Variants in MME observed in about 807,000 individuals in gnomAD.
MME encodes neprilysin.
A neutral mutation model predicts 113.2 loss-of-function variants in MME; 98 were observed. That is an observed-to-expected ratio of 0.87 (90% CI 0.74 to 1.02). The LOEUF (loss-of-function observed/expected upper bound fraction) is 1.02. MME is among the 50% of genes least tolerant of loss of function. The pLI is 0.00. For missense variants in MME, 836 were observed against 896.0 expected (o/e 0.93, Z 0.86); for synonymous variants, 292 against 300.6 (o/e 0.97, Z 0.30).
rs1327722411 is a variant in MME at position 155,084,188 on chromosome 3, G to A, written c.21G>A (p.Gln7=). ...AGGTGATGGGCAAGTCAGAAAGTCAGATGGATATAACTGATATCAACACTC... is the reference window on the plus strand; with the variant it reads ...AGGTGATGGGCAAGTCAGAAAGTCAAATGGATATAACTGATATCAACACTC... The part of the protein sequence containing the change: MGKSES[Q]MDITDINTPK... Residue 7 remains glutamine, a synonymous_variant, in exon 2 of 23, where the codon CAG becomes CAA. Coordinates refer to ENST00000360490, the MANE Select transcript of MME (RefSeq NM_007289.4). 2 of 1,614,086 alleles carry A rather than the reference G, an allele frequency of 1.2e-6. No homozygotes were observed. The highest frequency in any genetic ancestry group is 2.7e-5 in the African/African-American group (2 of 75,030).
chr3:155,130,667 C>T (rs1004702099), intron 8 of MME, among the ~76,000 whole-genome samples: 5 of 152,078 alleles, frequency 3.3e-5, no homozygotes, highest in Admixed American at 3.3e-4. Context: ...GGAAAGAACA[C>T]AAGCTGAGAT....
At position 155,116,700 on chromosome 3, in the gene MME, A is replaced by G. The variant is rs144486590; in HGVS notation, c.476A>G (p.Lys159Arg). 21 of 1,613,456 alleles carry G rather than the reference A, an allele frequency of 1.3e-5. No individual in the cohort carries two copies. The African/African-American group carries it at 2.3e-4, about 17-fold the overall frequency. ...IDSRGGEPLL[K>R]LLPDIYGWPV... ...AGCAGAGGTGGAGAACCTCTACTCAAACTGTTACCAGACATATATGGGTGG... is the reference window on the plus strand; with the variant it reads ...AGCAGAGGTGGAGAACCTCTACTCAGACTGTTACCAGACATATATGGGTGG... Residue 159 changes from lysine to arginine, a missense_variant, in exon 6 of 23, where the codon AAA becomes AGA. Coordinates refer to ENST00000360490, the MANE Select transcript of MME (RefSeq NM_007289.4).
At chr3:155,029,359 T>C (rs1263308750) in intron 1 of MME, among the ~76,000 whole-genome samples, 1 of 152,104 alleles carries the variant, frequency 6.6e-6, no homozygotes. Flanking sequence ...CTTTCTCCAA[T>C]ATTTTAGGTC....
chr3:155,070,015 C>T (rs927441005), intron 1 of MME, among the ~76,000 whole-genome samples: 1 of 152,100 alleles, frequency 6.6e-6, no homozygotes, highest in Admixed American at 6.6e-5. Context: ...TACCAATAAC[C>T]ACTAGATAAG....
rs538680208 is a variant in MME at position 155,045,253 on chromosome 3, C to T, written c.-11+20929C>T. The stretch of plus-strand genomic sequence containing the variant: ...GCAATCTCTGTCTCCTGGGTTCAGA[C>T]GATTCCCCTGCCTCAGCCTCCTGAG... On this transcript the variant is annotated intron_variant, in intron 1 of 22. Coordinates refer to the MME transcript ENST00000492661. Among the ~76,000 whole-genome samples, 23 of 151,698 alleles carry T rather than the reference C, an allele frequency of 1.5e-4. No homozygotes were observed. In the South Asian group the frequency reaches 2.9e-3, roughly 19 times the overall value.
At chr3:155,170,114 C>T (rs570956437) in intron 20 of MME, among the ~76,000 whole-genome samples, 5 of 152,212 alleles carry the variant, frequency 3.3e-5, no homozygotes, top group South Asian at 4.2e-4. Context: ...GGCACGAACT[C>T]GGCTCACTGC....
At chr3:155,127,275 T>C (rs1243709517) in intron 8 of MME, among the ~76,000 whole-genome samples, 3 of 152,194 alleles carry the variant, frequency 2.0e-5, no homozygotes, top group Non-Finnish European at 4.4e-5. Flanking sequence ...TCCATGGGAA[T>C]GTCTGGGAGC....
intron 3 of MME, among the ~76,000 whole-genome samples, chr3:155,101,751 A>G (rs1717247952): frequency 6.6e-6 from 1 of 152,064 alleles, no homozygotes; most frequent in Non-Finnish European, 1.5e-5. Context: ...TCCCTGTGTG[A>G]CTTATTTCTG....
intron 8 of MME, among the ~76,000 whole-genome samples, chr3:155,125,444 C>CTTTTTTTTTTTTTTTTT (rs1165027340): frequency 1.5e-5 from 1 of 65,286 alleles, no homozygotes; most frequent in Non-Finnish European, 2.7e-5. Context: ...GCTCCTCCTC[C>CTTTTTTTTTTTTTTTTT]TTTTTTTTTT....
At chr3:155,045,312 G>C (rs767423564) in intron 1 of MME, among the ~76,000 whole-genome samples, 1 of 151,870 alleles carries the variant, frequency 6.6e-6, no homozygotes, top group Non-Finnish European at 1.5e-5. Context: ...CACCACACCT[G>C]GCTAATTTTT....
At chr3:155,137,749 C>T (rs1720742685) in intron 8 of MME, among the ~76,000 whole-genome samples, 2 of 152,070 alleles carry the variant, frequency 1.3e-5, no homozygotes, top group Admixed American at 6.6e-5. Flanking sequence ...TATTATTATT[C>T]AGCGAAAAAA....
At chr3:155,133,166 C>A (rs1348570044) in intron 8 of MME, among the ~76,000 whole-genome samples, 1 of 148,296 alleles carries the variant, frequency 6.7e-6, no homozygotes, top group Non-Finnish European at 1.5e-5. Flanking sequence ...AAAATTAAAA[C>A]CTTAAGGTAG....
At chr3:155,041,893 C>A (rs1713334135) in intron 1 of MME, among the ~76,000 whole-genome samples, 1 of 152,086 alleles carries the variant, frequency 6.6e-6, no homozygotes, top group Admixed American at 6.6e-5. Context: ...CATTTAGAGA[C>A]AGAAAAGGAG....
chr3:155,176,001 G>A lies in MME; in HGVS notation c.2153+3389G>A, dbSNP rs73875846. On this transcript the variant is annotated intron_variant, in intron 22 of 22. Transcript: ENST00000360490. ...TTACAGCATTTATTTATTTATGACT[G>A]TATAGCAGAACATACACTCATCAAT... Among the ~76,000 whole-genome samples the A allele has an allele frequency of 5.8e-3, 888 of 152,192 alleles. 7 individuals carry two copies. Among genetic ancestry groups the A allele is most frequent in the African/African-American group, 0.021 (855 of 41,544 alleles).
intron 8 of MME, among the ~76,000 whole-genome samples, chr3:155,127,807 G>A (rs1719809899): frequency 6.6e-6 from 1 of 152,192 alleles, no homozygotes; most frequent in Non-Finnish European, 1.5e-5. Context: ...GCAAACTTTG[G>A]TCCTTCTCTC....
intron 1 of MME, among the ~76,000 whole-genome samples, chr3:155,065,188 C>A (rs562621854): frequency 1.3e-5 from 2 of 152,284 alleles, no homozygotes; most frequent in Non-Finnish European, 2.9e-5. Context: ...AAGACAGTCT[C>A]ATTTCTGAAG....
chr3:155,109,403 C>T lies in MME; in HGVS notation c.197-5591C>T, dbSNP rs553104183. On this transcript the variant is annotated intron_variant, in intron 3 of 22. Coordinates refer to ENST00000360490, the MANE Select transcript of MME (RefSeq NM_007289.4). Reference sequence around the variant, plus strand: ...TAAAGTCAGTGGAGCAGAGTGGAAGCCTTGGGGTCGTGGGCTTATGCATGA... The same window carrying T: ...TAAAGTCAGTGGAGCAGAGTGGAAGTCTTGGGGTCGTGGGCTTATGCATGA... Among the ~76,000 whole-genome samples the T allele has an allele frequency of 8.5e-5, 13 of 152,192 alleles. No individual in the cohort carries two copies. In the East Asian group the frequency reaches 2.5e-3, roughly 29 times the overall value.
At position 155,073,309 on chromosome 3, in the gene MME, C is replaced by T. The variant is rs150623030; in HGVS notation, c.-10-10849C>T. 3.0e-4 allele frequency among the ~76,000 whole-genome samples: 45 copies of T among 152,182 alleles called. No individual in the cohort carries two copies. The East Asian group carries it at 4.1e-3, about 14-fold the overall frequency. The stretch of plus-strand genomic sequence containing the variant: ...CATTAAAATGAAGAATAAATAGAAA[C>T]GACCACAGCACAGGAGATGTGCAGT... On this transcript the variant is annotated intron_variant, in intron 1 of 22. Coordinates refer to the MME transcript ENST00000492661.
chr3:155,152,201 C>T (rs1287094831), intron 16 of MME, among the ~76,000 whole-genome samples: 1 of 152,178 alleles, frequency 6.6e-6, no homozygotes, highest in African/African-American at 2.4e-5. Context: ...ACATCCTTGT[C>T]TCTTACCCTG....
Sources: gnomAD v4.1 joint callset for allele counts (sites outside exome capture counted in the v4.1 genomes callset) on GRCh38, gnomAD v4.1.1 for gene constraint, MANE v1.5 for transcripts, NCBI Gene and HGNC (gene_info 2026-07-23, HGNC 2026-07-21) for gene names.